Variants in RCC2 observed in about 807,000 individuals in gnomAD.
The protein encoded by RCC2 is regulator of chromosome condensation 2.
Under a neutral mutation model 64.1 loss-of-function variants are expected in RCC2, and 19 were observed. The ratio of observed to expected loss-of-function variants is 0.30; its 90% confidence interval spans 0.21 to 0.44. The LOEUF (loss-of-function observed/expected upper bound fraction) is 0.44, where lower values mean the gene tolerates loss of function less well. Among genes scored for constraint, RCC2 ranks in the 20% least tolerant of loss-of-function variants. The pLI, the probability that RCC2 is intolerant of heterozygous loss-of-function variation, is 1.00. For synonymous variants in RCC2, 325 were observed against 279.6 expected (o/e 1.16, Z -1.62); for missense variants, 508 against 710.4 (o/e 0.72, Z 3.24).
Position 17,438,443 on chromosome 1 carries a change from C to A in RCC2, c.72G>T (p.Gly24=). ...CCGCCGGGCCGCCGCGTTTCCTGGG[C>A]CCGGCGCGGGCAGTGCCGTTGCCCG... The part of the protein sequence containing the change: ...PSSGNGTARA[G]PRKRGGPAGR... Residue 24 remains glycine (G), a synonymous_variant, in exon 2 of 13, where the codon GGG becomes GGT. Coordinates refer to ENST00000375436, the MANE Select transcript of RCC2 (RefSeq NM_018715.4). The A allele has an allele frequency of 3.1e-6, 4 of 1,293,096 alleles. No homozygotes were observed. The highest frequency in any genetic ancestry group is 3.9e-6 in the Non-Finnish European group (4 of 1,024,050). The allele number at this position is 1,293,096 out of a possible 1,614,324, so 80.1% of individuals were successfully genotyped here. A position where few individuals can be genotyped will look rare whatever the true frequency, so the allele number is the denominator to read the frequency against.
chr1:17,438,153 G>C, intron 2 of RCC2, 77 bp downstream of exon 2: 1 of 1,056,100 alleles, frequency 9.5e-7, no homozygotes, highest in Non-Finnish European at 1.2e-6. Flanking sequence ...CCCCCGGCTG[G>C]AACGCGCGCC....
intron 8 of RCC2, among the ~76,000 whole-genome samples, chr1:17,414,314 GA>G (rs1267469586): frequency 6.6e-6 from 1 of 151,972 alleles, no homozygotes; most frequent in East Asian, 1.9e-4. Flanking sequence ...TGGATTGCCT[GA>G]ACTCAGGAAT....
intron 2 of RCC2, among the ~76,000 whole-genome samples, chr1:17,432,842 C>T (rs994181166): frequency 2.0e-5 from 3 of 152,124 alleles, no homozygotes; most frequent in African/African-American, 7.2e-5. Flanking sequence ...CCTGTAGTCC[C>T]GGCTACTCGG....
chr1:17,431,410 T>C (rs1570205030), intron 2 of RCC2, among the ~76,000 whole-genome samples: 1 of 110,692 alleles, frequency 9.0e-6, no homozygotes, highest in Non-Finnish European at 1.8e-5. Flanking sequence ...CTCACGCCTG[T>C]CATCTCAGCA....
At chr1:17,417,018 A>G (rs1312347570) in intron 7 of RCC2, among the ~76,000 whole-genome samples, 1 of 152,224 alleles carries the variant, frequency 6.6e-6, no homozygotes, top group East Asian at 1.9e-4. Flanking sequence ...AAAAAGTTGA[A>G]GCTGCTGATC....
chr1:17,413,234 A>T, intron 9 of RCC2, 56 bp from the exon 10 acceptor site: 6 of 1,225,674 alleles, frequency 4.9e-6, no homozygotes, highest in Non-Finnish European at 7.2e-6. Flanking sequence ...GCTGAGTCTC[A>T]TCTTCAGTAT....
At chr1:17,423,175 T>TA (rs769179357) in intron 4 of RCC2, among the ~76,000 whole-genome samples, 7 of 152,244 alleles carry the variant, frequency 4.6e-5, no homozygotes, top group East Asian at 1.9e-4. Flanking sequence ...CGTTCCCACT[T>TA]AGAGTGCCTG....
At position 17,438,420 on chromosome 1, in the gene RCC2, G is replaced by A. The variant is rs761411194; in HGVS notation, c.95C>T (p.Ala32Val). ...RAGPRKRGGP[A>V]GRKRERPERC... The stretch of plus-strand genomic sequence containing the variant: ...CTCGGGCCGCTCGCGCTTCCTGCCC[G>A]CCGGGCCGCCGCGTTTCCTGGGCCC... Residue 32 changes from alanine to valine, a missense_variant, in exon 2 of 13, where the codon GCG (alanine) becomes GTG (valine). By Grantham distance (64) the Ala-to-Val change is moderately conservative. Around this residue, in one of 4 missense-constraint regions of RCC2, gnomAD observed 195 missense variants for 158.3 expected, o/e 1.23. Transcript: ENST00000375436. 4 of 1,272,988 alleles carry A rather than the reference G, an allele frequency of 3.1e-6. No homozygotes were observed. The highest frequency in any genetic ancestry group is 3.0e-4 in the Middle Eastern group (1 of 3,296). 78.9% of individuals were successfully genotyped at this position (1,272,988 alleles called of 1,614,324 possible).
chr1:17,420,809 G>A lies in RCC2; in HGVS notation c.764C>T (p.Pro255Leu), dbSNP rs770193380. ...AGCCCCACAGGCCATTTTGGTAATTGGCTGGCCGTTGTACATTATCTGAAA... is the reference window on the plus strand; with the variant it reads ...AGCCCCACAGGCCATTTTGGTAATTAGCTGGCCGTTGTACATTATCTGAAA... ...SPAQIMYNGQ[P>L]ITKMACGAEF... is the part of the protein sequence containing the mutation. Residue 255 changes from proline (P) to leucine (L), a missense_variant, in exon 7 of 13, where the codon CCA (proline) becomes CTA (leucine). Physicochemically the swap from Pro to Leu is moderately conservative, Grantham distance 98. This residue lies in a region of RCC2 where 132 missense variants were observed against 207.3 expected (regional missense o/e 0.64). Transcript: ENST00000375436. 3.1e-6 allele frequency: 5 copies of A among 1,606,538 alleles called. No individual in the cohort carries two copies. Among genetic ancestry groups the A allele is most frequent in the Non-Finnish European group, 3.4e-6 (4 of 1,177,816 alleles).
rs1553158456 is a variant in RCC2, at chr1:17,431,355, A to AAAT, written c.286-2157_286-2156insATT. On this transcript the variant is annotated intron_variant, in intron 2 of 12. Coordinates refer to ENST00000375436, the MANE Select transcript of RCC2 (RefSeq NM_018715.4). ...TCTCAAAAAAAAAAAAAAAAAAAAAAAAAAATATATATATATATATATATA... is the reference window on the plus strand; with the variant it reads ...TCTCAAAAAAAAAAAAAAAAAAAAAAAATAAAAATATATATATATATATATATA... 7.8e-3 allele frequency among the ~76,000 whole-genome samples: 348 copies of AAAT among 44,524 alleles called. 35 individuals carry two copies. Among genetic ancestry groups the AAAT allele is most frequent in the African/African-American group, 0.013 (130 of 10,004 alleles). 29.2% of individuals were successfully genotyped at this position (44,524 alleles called of 152,430 possible).
intron 2 of RCC2, among the ~76,000 whole-genome samples, chr1:17,432,232 A>G (rs1225350558): frequency 2.0e-5 from 3 of 152,210 alleles, no homozygotes; most frequent in African/African-American, 7.2e-5. Context: ...AGGTTACTTG[A>G]ATTGGAGCCT....
chr1:17,425,616 C>A lies in RCC2; in HGVS notation c.448G>T (p.Val150Leu), dbSNP rs933825054. 1 of 1,614,100 alleles carries A rather than the reference C, an allele frequency of 6.2e-7. No individual in the cohort carries two copies. Among genetic ancestry groups the A allele is most frequent in the Non-Finnish European group, 8.5e-7 (1 of 1,180,000 alleles). Residue 150 changes from valine (V) to leucine (L), a missense_variant, in exon 4 of 13, where the codon GTG becomes TTG. By Grantham distance (32) the Val-to-Leu change is conservative (BLOSUM62 1). This residue lies in a region of RCC2 where 132 missense variants were observed against 207.3 expected (regional missense o/e 0.64). Coordinates refer to ENST00000375436, the MANE Select transcript of RCC2 (RefSeq NM_018715.4). ...CACGAGCCCGAGACCACTGTCCGCACCCGGACCCCCGCCAGGCACCCATAT... is the reference window on the plus strand; with the variant it reads ...CACGAGCCCGAGACCACTGTCCGCAACCGGACCCCCGCCAGGCACCCATAT... ...HRYGCLAGVR[V>L]RTVVSGSCAA...
intron 2 of RCC2, among the ~76,000 whole-genome samples, chr1:17,430,821 C>T (rs1052576626): frequency 1.2e-4 from 18 of 150,784 alleles, no homozygotes; most frequent in African/African-American, 4.1e-4. Context: ...CTCTGCCTCC[C>T]GGGTTCAAAC....
Position 17,425,676 on chromosome 1 carries a change from G to T in RCC2, c.388C>A (p.Arg130Ser), listed in dbSNP as rs1209953726. ...CCCCACAAATTCTGACCGAGATTGC[G>T]GTAAGCAGCTGCAGAGAGAATGAGA... ...KEVPKQQAAY[R>S]NLGQNLWGPH... Residue 130 changes from arginine (R) to serine (S), a missense_variant, in exon 4 of 13, where the codon CGC becomes AGC. Coordinates refer to ENST00000375436, the MANE Select transcript of RCC2 (RefSeq NM_018715.4). The T allele has an allele frequency of 6.2e-7, 1 of 1,610,278 alleles. No individual in the cohort carries two copies. Among genetic ancestry groups the T allele is most frequent in the Non-Finnish European group, 8.5e-7 (1 of 1,177,004 alleles).
Position 17,410,056 on chromosome 1 carries a change from C to T in RCC2, c.1387-5G>A, listed in dbSNP as rs372433444. Reference sequence around the variant, plus strand: ...GGGCTTGTGGTCCCCGTAGCCCTGGCGAAGCAAACAAGATGTTCGCAATCG... The same window carrying T: ...GGGCTTGTGGTCCCCGTAGCCCTGGTGAAGCAAACAAGATGTTCGCAATCG... On this transcript the variant is annotated splice_polypyrimidine_tract_variant and splice_region_variant and intron_variant, in intron 11 of 12. Coordinates refer to ENST00000375436, the MANE Select transcript of RCC2 (RefSeq NM_018715.4). 59 of 1,613,358 alleles carry T rather than the reference C, an allele frequency of 3.7e-5. No homozygotes were observed. Among genetic ancestry groups the T allele is most frequent in the South Asian group, 5.5e-5 (5 of 91,062 alleles).
rs1570218478 is a variant in RCC2, at chr1:17,438,393, C to T, written c.122G>A (p.Arg41His). Reference protein sequence around the residue: ...PAGRKRERPERCSSSSGGGSS... With the variant: ...PAGRKRERPEHCSSSSGGGSS... ...GCCGCCGCCGCTGCTGCTACTGCAG[C>T]GCTCGGGCCGCTCGCGCTTCCTGCC... Residue 41 changes from arginine to histidine, a missense_variant, in exon 2 of 13, where the codon CGC (arginine) becomes CAC (histidine). By Grantham distance (29) the Arg-to-His change is conservative. Coordinates refer to ENST00000375436, the MANE Select transcript of RCC2 (RefSeq NM_018715.4). 4 of 1,256,670 alleles carry T rather than the reference C, an allele frequency of 3.2e-6. No individual in the cohort carries two copies. The African/African-American group carries it at 4.7e-5, about 15-fold the overall frequency. 77.8% of individuals were successfully genotyped at this position (1,256,670 alleles called of 1,614,324 possible). A position where few individuals can be genotyped will look rare whatever the true frequency, so the allele number is the denominator to read the frequency against.
At position 17,416,539 on chromosome 1, in the gene RCC2, G is replaced by T; in HGVS notation, c.967C>A (p.Gln323Lys). The change falls in exon 8 of 13, where the codon CAG (glutamine) becomes AAG (lysine). Residue 323 changes from glutamine to lysine, a missense_variant. Gln to Lys is a moderately conservative substitution (Grantham distance 53, BLOSUM62 1). Around this residue, in one of 4 missense-constraint regions of RCC2, gnomAD observed 179 missense variants for 322.0 expected, o/e 0.56. Coordinates refer to ENST00000375436, the MANE Select transcript of RCC2 (RefSeq NM_018715.4). ...AIFIEKTKDGQILPVPNVVVR... is the reference protein window; with the variant it reads ...AIFIEKTKDGKILPVPNVVVR... ...ACCACGTTTGGTACAGGCAGAATCT[G>T]TCCATCTTTCGTCTTCTCAATGAAG... The T allele has an allele frequency of 6.2e-7, 1 of 1,613,958 alleles. No individual in the cohort carries two copies. Among genetic ancestry groups the T allele is most frequent in the Non-Finnish European group, 8.5e-7 (1 of 1,180,036 alleles).
chr1:17,409,291 A>G (rs1304004479), intron 12 of RCC2, 97 bp from the exon 13 acceptor site: 1 of 810,580 alleles, frequency 1.2e-6, no homozygotes, highest in Non-Finnish European at 2.1e-6. Context: ...GCGGGTCAGC[A>G]TGGAGAAAAA....
intron 7 of RCC2, among the ~76,000 whole-genome samples, chr1:17,418,815 CA>C (rs1447074209): frequency 6.6e-6 from 1 of 152,228 alleles, no homozygotes; most frequent in Non-Finnish European, 1.5e-5. Context: ...CTCTTCCGGA[CA>C]AGGTTTCAGC....
Sources: allele counts gnomAD v4.1 joint callset (sites outside exome capture counted in the v4.1 genomes callset), GRCh38; gene constraint gnomAD v4.1.1; regional missense constraint gnomAD v4.1.1; transcripts MANE v1.5; gene names NCBI Gene and HGNC (gene_info 2026-07-23, HGNC 2026-07-21).